The following DNAJC11 variants were observed in gnomAD, a reference collection of about 807,000 sequenced individuals.
The protein encoded by DNAJC11 is dnaJ homolog subfamily C member 11.
Under a neutral mutation model 78.6 loss-of-function variants are expected in DNAJC11, and 15 were observed. The ratio of observed to expected loss-of-function variants is 0.19; its 90% CI spans 0.13 to 0.29. DNAJC11 has a LOEUF of 0.29. DNAJC11 is among the 10% of genes least tolerant of loss of function. The pLI is 1.00. For missense variants in DNAJC11, 547 were observed against 709.6 expected (o/e 0.77, Z 2.60); for synonymous variants, 292 against 272.1 (o/e 1.07, Z -0.72).
Position 6,680,845 on chromosome 1 carries a change from C to T in DNAJC11, c.202+63G>A. 1.3e-6 allele frequency: 2 copies of T among 1,588,718 alleles called. No homozygotes were observed. Among genetic ancestry groups the T allele is most frequent in the South Asian group, 1.1e-5 (1 of 88,608 alleles). On this transcript the variant is annotated intron_variant, in intron 2 of 15. Coordinates refer to ENST00000377577, the MANE Select transcript of DNAJC11 (RefSeq NM_018198.4). The surrounding 1 kb of genome is among the most constrained non-coding windows in gnomAD (Gnocchi z 4.0). Reference sequence around the variant, plus strand: ...CTCTTTTTCTATCCTCTACAAATCGCACCTCCTAAAAATCGAATATCTGTT... The same window carrying T: ...CTCTTTTTCTATCCTCTACAAATCGTACCTCCTAAAAATCGAATATCTGTT...
chr1:6,690,801 G>A (rs1426159275), intron 1 of DNAJC11, among the ~76,000 whole-genome samples: 1 of 152,194 alleles, frequency 6.6e-6, no homozygotes, highest in East Asian at 1.9e-4. Flanking sequence ...GCGGGCGCCT[G>A]TAGTCCCAGC....
At chr1:6,671,346 C>G (rs1642376641) in intron 3 of DNAJC11, among the ~76,000 whole-genome samples, 4 of 152,058 alleles carry the variant, frequency 2.6e-5, no homozygotes, top group Admixed American at 2.6e-4. Context: ...GGGTTCACAC[C>G]ATTCTCCTGC....
Position 6,701,810 on chromosome 1 carries a change from CT to C in DNAJC11, c.-11del. ...TCAAGGCCGTCGCCATCTTCGCAAC[CT>C]TTCACCCCGCCAAACCGGCAAGGCC... On this transcript the variant is annotated 5_prime_UTR_variant, in exon 1 of 16. Coordinates refer to ENST00000377577, the MANE Select transcript of DNAJC11 (RefSeq NM_018198.4). The C allele has an allele frequency of 1.3e-6, 2 of 1,553,688 alleles. No individual in the cohort carries two copies. The highest frequency in any genetic ancestry group is 1.7e-6 in the Non-Finnish European group (2 of 1,152,988).
intron 1 of DNAJC11, among the ~76,000 whole-genome samples, chr1:6,690,447 C>T (rs961312760): frequency 2.6e-5 from 4 of 152,160 alleles, no homozygotes; most frequent in Non-Finnish European, 5.9e-5. Flanking sequence ...AATTTGCCCC[C>T]CACAAAACCT....
chr1:6,658,490 T>G (rs113465379), intron 4 of DNAJC11, among the ~76,000 whole-genome samples: 2,134 of 152,276 alleles, frequency 0.014, 28 homozygotes, highest in South Asian at 0.028. Context: ...GAGAGAACCA[T>G]GTAAACATGA....
intron 1 of DNAJC11, among the ~76,000 whole-genome samples, chr1:6,682,154 C>T (rs1027053539): frequency 1.3e-5 from 1 of 77,720 alleles, no homozygotes; most frequent in Non-Finnish European, 2.3e-5. Flanking sequence ...AGTCCTGGGA[C>T]CATAATTACA....
At chr1:6,674,660 C>T (rs1209920209) in intron 3 of DNAJC11, among the ~76,000 whole-genome samples, 2 of 151,518 alleles carry the variant, frequency 1.3e-5, no homozygotes, top group Non-Finnish European at 2.9e-5. Context: ...GCTGGGAGAT[C>T]GAGACTGCAG....
intron 12 of DNAJC11, 77 bp from the exon 13 acceptor site, chr1:6,637,581 C>A: frequency 6.6e-7 from 1 of 1,515,814 alleles, no homozygotes; most frequent in South Asian, 1.1e-5. Flanking sequence ...CACAGGCAGG[C>A]AGTCTTGTCC....
chr1:6,660,780 T>C (rs1406126068), intron 4 of DNAJC11, among the ~76,000 whole-genome samples: 1 of 152,242 alleles, frequency 6.6e-6, no homozygotes, highest in African/African-American at 2.4e-5. Flanking sequence ...TCTTGTTCAC[T>C]GGGCTCTTTT....
chr1:6,687,634 C>T lies in DNAJC11; in HGVS notation c.73-6597G>A, dbSNP rs568677511. ...GGCCTCCCAAAGTGCTAGGATTACACGCGTGAGCCACTGTGCCCGGCCACA... is the reference window on the plus strand; with the variant it reads ...GGCCTCCCAAAGTGCTAGGATTACATGCGTGAGCCACTGTGCCCGGCCACA... On this transcript the variant is annotated intron_variant, in intron 1 of 15. Transcript: ENST00000377577. 7.9e-5 allele frequency among the ~76,000 whole-genome samples: 12 copies of T among 152,152 alleles called. No homozygotes were observed. The South Asian group carries it at 8.3e-4, about 11-fold the overall frequency.
intron 1 of DNAJC11, among the ~76,000 whole-genome samples, chr1:6,687,518 G>C (rs900290884): frequency 1.3e-5 from 2 of 151,892 alleles, no homozygotes; most frequent in African/African-American, 4.8e-5. Context: ...CACCATGCCC[G>C]GCTAAATTTT....
chr1:6,659,724 G>A, intron 4 of DNAJC11, among the ~76,000 whole-genome samples: 1 of 151,916 alleles, frequency 6.6e-6, no homozygotes, highest in East Asian at 1.9e-4. Context: ...CAGTGCCACT[G>A]CACTCCAGCC....
intron 2 of DNAJC11, among the ~76,000 whole-genome samples, chr1:6,678,846 A>T (rs1182603333): frequency 6.6e-6 from 1 of 152,154 alleles, no homozygotes; most frequent in Non-Finnish European, 1.5e-5. Context: ...ATGGGGTCTC[A>T]CTATGTTGCC....
chr1:6,688,266 G>A (rs183350618), intron 1 of DNAJC11, among the ~76,000 whole-genome samples: 7 of 152,286 alleles, frequency 4.6e-5, no homozygotes, highest in Admixed American at 1.3e-4. Flanking sequence ...GTTTGAATTT[G>A]CTTTCTTCCT....
At chr1:6,665,261 G>A (rs1642277818) in intron 4 of DNAJC11, among the ~76,000 whole-genome samples, 1 of 152,112 alleles carries the variant, frequency 6.6e-6, no homozygotes, top group Non-Finnish European at 1.5e-5. Flanking sequence ...AGAGATGGGG[G>A]TCTTGTTATA....
In DNAJC11 at chr1:6,648,541, C is replaced by A. The variant is rs191269528; in HGVS notation, c.705-2563G>T. Among the ~76,000 whole-genome samples, 8 of 152,214 alleles carry A rather than the reference C, an allele frequency of 5.3e-5. 1 individual carries two copies. In the East Asian group the frequency reaches 1.5e-3, roughly 29 times the overall value. On this transcript the variant is annotated intron_variant, in intron 7 of 15. Transcript: ENST00000377577. ...GTGTCATCATGGCTCACTGCAGCCT[C>A]GACCTCCTGGCCTCAAGCGATCCTC...
At chr1:6,671,756 T>A (rs992889552) in intron 3 of DNAJC11, among the ~76,000 whole-genome samples, 1 of 151,800 alleles carries the variant, frequency 6.6e-6, no homozygotes, top group African/African-American at 2.4e-5. Flanking sequence ...ATGGTCTTGT[T>A]CTCCTGACCT....
Position 6,675,776 on chromosome 1 carries a change from G to A in DNAJC11, c.276+2618C>T, listed in dbSNP as rs80165129. ...GTGTGGATTTGCTTTGTTTCTAATG[G>A]GAAGATAATCTGGTCTGATGAGAGG... On this transcript the variant is annotated intron_variant, in intron 3 of 15. Transcript: ENST00000377577. Among the ~76,000 whole-genome samples the A allele has an allele frequency of 5.1e-3, 776 of 152,180 alleles. 8 individuals carry two copies. Among genetic ancestry groups the A allele is most frequent in the African/African-American group, 0.017 (724 of 41,522 alleles).
chr1:6,683,400 G>A (rs761092371), intron 1 of DNAJC11, among the ~76,000 whole-genome samples: 30 of 152,184 alleles, frequency 2.0e-4, no homozygotes, highest in Non-Finnish European at 3.5e-4. Flanking sequence ...CCCTTGCAAG[G>A]ACAGTGTGAG....
Sources: allele counts gnomAD v4.1 joint callset (sites outside exome capture counted in the v4.1 genomes callset), GRCh38; gene constraint gnomAD v4.1.1; non-coding constraint Gnocchi (gnomAD v3.1); transcripts MANE v1.5; gene names NCBI Gene and HGNC (gene_info 2026-07-23, HGNC 2026-07-21).